Variants in GPC5 observed in about 807,000 individuals in gnomAD.
GPC5 encodes the protein glypican 5, also known as glypican-5.
A neutral mutation model predicts 53.9 loss-of-function variants in GPC5; 47 were observed. That is an observed-to-expected ratio of 0.87 (90% CI 0.69 to 1.11). GPC5 has a LOEUF of 1.11. Among genes scored for constraint, GPC5 ranks in the 50% most tolerant of loss-of-function variants. GPC5 has a pLI of 0.00. For missense variants in GPC5, 748 were observed against 713.1 expected, an observed-to-expected ratio of 1.05 and a Z score of -0.56; for synonymous variants, 286 against 263.3, an observed-to-expected ratio of 1.09 and a Z score of -0.84.
At chr13:92,519,597 C>T (rs1195048150) in intron 7 of GPC5, among the ~76,000 whole-genome samples, 2 of 152,158 alleles carry the variant, frequency 1.3e-5, no homozygotes, top group African/African-American at 2.4e-5. Flanking sequence ...AAAGACACAA[C>T]ATACCAGAAT....
At chr13:92,264,198 G>A (rs1018053768) in intron 7 of GPC5, among the ~76,000 whole-genome samples, 12 of 151,866 alleles carry the variant, frequency 7.9e-5, no homozygotes, top group African/African-American at 2.9e-4. Context: ...AAATTATCAG[G>A]TCAGCTCAGT....
intron 6 of GPC5, among the ~76,000 whole-genome samples, chr13:92,009,637 T>G (rs750029151): frequency 6.6e-6 from 1 of 152,160 alleles, no homozygotes; most frequent in Non-Finnish European, 1.5e-5. Flanking sequence ...TTTTTCTCCT[T>G]GTAGCTTTCC....
intron 2 of GPC5, among the ~76,000 whole-genome samples, chr13:91,463,576 C>T (rs1458053602): frequency 6.6e-6 from 1 of 152,070 alleles, no homozygotes; most frequent in African/African-American, 2.4e-5. Flanking sequence ...AGTAATTAAA[C>T]ATGTGGTATT....
At chr13:92,122,430 G>A (rs1015269782) in intron 6 of GPC5, among the ~76,000 whole-genome samples, 7 of 151,806 alleles carry the variant, frequency 4.6e-5, no homozygotes, top group South Asian at 2.1e-4. Context: ...ACGTAGCTCC[G>A]ATTACGCTTC....
chr13:92,007,820 T>G lies in GPC5; in HGVS notation c.1401+99763T>G, dbSNP rs2040620881. On this transcript the variant is annotated intron_variant, in intron 6 of 7. Coordinates refer to ENST00000377067, the MANE Select transcript of GPC5 (RefSeq NM_004466.6). ...TCTTTGTTTATTATCTAGACGACTTTTAAAATATGGTCGCTCAAGATGAAA... is the reference window on the plus strand; with the variant it reads ...TCTTTGTTTATTATCTAGACGACTTGTAAAATATGGTCGCTCAAGATGAAA... 4.6e-5 allele frequency among the ~76,000 whole-genome samples: 7 copies of G among 152,310 alleles called. 1 individual carries two copies. The South Asian group carries it at 1.4e-3, about 32-fold the overall frequency.
At chr13:91,893,836 C>T (rs1194932712) in intron 5 of GPC5, among the ~76,000 whole-genome samples, 1 of 151,772 alleles carries the variant, frequency 6.6e-6, no homozygotes, top group African/African-American at 2.4e-5. Context: ...CTAGGAATAG[C>T]GTAATTGTGT....
chr13:91,916,156 G>A (rs1429497166), intron 6 of GPC5, among the ~76,000 whole-genome samples: 1 of 152,148 alleles, frequency 6.6e-6, no homozygotes, highest in Non-Finnish European at 1.5e-5. Context: ...GGTAATAAGT[G>A]TTGTAGAGAT....
At chr13:92,665,159 C>T (rs1886528340) in intron 7 of GPC5, among the ~76,000 whole-genome samples, 1 of 152,058 alleles carries the variant, frequency 6.6e-6, no homozygotes, top group African/African-American at 2.4e-5. Context: ...ATTTGCTCTT[C>T]TCATTTATTT....
At chr13:91,434,461 C>T (rs1320505060) in intron 1 of GPC5, among the ~76,000 whole-genome samples, 3 of 152,074 alleles carry the variant, frequency 2.0e-5, no homozygotes, top group African/African-American at 7.2e-5. Flanking sequence ...AATAGGGAAT[C>T]GTTTCCCCAT....
intron 5 of GPC5, among the ~76,000 whole-genome samples, chr13:91,778,083 ATAGCACAGTCCACAAACTCC>A (rs1179323824): frequency 1.3e-5 from 2 of 152,096 alleles, no homozygotes; most frequent in Non-Finnish European, 2.9e-5. Flanking sequence ...ACACCTCTTT[ATAGCACAGTCCACAAACTCC>A]TATAAGTAAA....
intron 2 of GPC5, among the ~76,000 whole-genome samples, chr13:91,480,706 G>C (rs1218105480): frequency 3.9e-5 from 6 of 152,146 alleles, no homozygotes; most frequent in Admixed American, 3.9e-4. Context: ...TTTCTAAAGA[G>C]CCTGAGCCCT....
intron 3 of GPC5, among the ~76,000 whole-genome samples, chr13:91,720,860 C>T (rs1179618906): frequency 3.3e-5 from 5 of 152,222 alleles, no homozygotes; most frequent in Non-Finnish European, 5.9e-5. Flanking sequence ...TAATCCACCC[C>T]TCAAGTTCTG....
chr13:92,628,260 C>CTTTTTTTTTTTTTTTTTTTT (rs1286424637), intron 7 of GPC5, among the ~76,000 whole-genome samples: 2 of 37,566 alleles, frequency 5.3e-5, no homozygotes, highest in African/African-American at 1.6e-4. Context: ...TTTTCTTTTT[C>CTTTTTTTTTTTTTTTTTTTT]TTTCTTTTTT....
intron 2 of GPC5, among the ~76,000 whole-genome samples, chr13:91,481,085 A>G (rs1217436082): frequency 2.0e-5 from 3 of 152,074 alleles, no homozygotes; most frequent in South Asian, 4.2e-4. Context: ...CTTTCTTCAT[A>G]AGCTCATTAT....
Position 92,210,532 on chromosome 13 carries a change from C to T in GPC5, c.1561+65543C>T, listed in dbSNP as rs372860995. Among the ~76,000 whole-genome samples the T allele has an allele frequency of 4.3e-4, 65 of 152,166 alleles. No individual in the cohort carries two copies. The South Asian group carries it at 0.011, about 25-fold the overall frequency. On this transcript the variant is annotated intron_variant, in intron 7 of 7. Coordinates refer to ENST00000377067, the MANE Select transcript of GPC5 (RefSeq NM_004466.6). ...TCTACAGCTATCTGTTATCTTCAGGCGAACTAGTGAACCTCTCCAGTTTCT... is the reference window on the plus strand; with the variant it reads ...TCTACAGCTATCTGTTATCTTCAGGTGAACTAGTGAACCTCTCCAGTTTCT...
chr13:92,509,532 T>C (rs545909105), intron 7 of GPC5: 37 of 152,228 alleles, frequency 2.4e-4, no homozygotes, highest in African/African-American at 8.4e-4. Context: ...TAGTGCCTCA[T>C]GCAAAGGAGA....
chr13:91,850,555 A>G (rs764480336), intron 5 of GPC5, among the ~76,000 whole-genome samples: 2 of 152,140 alleles, frequency 1.3e-5, no homozygotes, highest in Non-Finnish European at 2.9e-5. Flanking sequence ...ATTCTATTGT[A>G]TTTCAAACTT....
chr13:91,728,551 G>T lies in GPC5; in HGVS notation c.1040G>T (p.Arg347Leu). 1.9e-6 allele frequency: 3 copies of T among 1,609,828 alleles called. No individual in the cohort carries two copies. Among genetic ancestry groups the T allele is most frequent in the Non-Finnish European group, 2.5e-6 (3 of 1,177,604 alleles). The change falls in exon 4 of 8, where the codon CGC (arginine) becomes CTC (leucine). Residue 347 changes from arginine (R) to leucine (L), a missense_variant. Transcript: ENST00000377067. ...LLEQVNRICG[R>L]PVRTPTQSPR... The stretch of plus-strand genomic sequence containing the variant: ...TAAAAGGTAAATAGGATTTGTGGCC[G>T]CCCTGTAAGAACACCCACACAAAGC...
rs540535637 is a variant in GPC5 at position 91,907,224 on chromosome 13, C to T, written c.1281-713C>T. Among the ~76,000 whole-genome samples the T allele has an allele frequency of 2.7e-5, 4 of 149,062 alleles. No homozygotes were observed. In the South Asian group the frequency reaches 6.3e-4, roughly 23 times the overall value. On this transcript the variant is annotated intron_variant, in intron 5 of 7. Coordinates refer to ENST00000377067, the MANE Select transcript of GPC5 (RefSeq NM_004466.6). ...CCCTAATGGATACTAGAATTCTTAA[C>T]TCTAAGTCCCTCTATGCCTACAAAA...
Sources: gnomAD v4.1 joint callset for allele counts (sites outside exome capture counted in the v4.1 genomes callset) on GRCh38, gnomAD v4.1.1 for gene constraint, MANE v1.5 for transcripts, NCBI Gene and HGNC (gene_info 2026-07-23, HGNC 2026-07-21) for gene names.